The following CCDC158 variants were observed in gnomAD, a reference collection of about 807,000 sequenced individuals.
The protein encoded by CCDC158 is coiled-coil domain-containing protein 158.
CCDC158 carries 116 observed loss-of-function variants against 138.6 expected under a neutral mutation model. The ratio of observed to expected loss-of-function variants is 0.84; its 90% CI spans 0.72 to 0.98. CCDC158 has a LOEUF of 0.98. Ranked by LOEUF, CCDC158 falls within the 50% of genes least tolerant of loss-of-function variation. CCDC158 has a pLI of 0.00. For missense variants in CCDC158, 1,265 were observed against 1,306.1 expected (o/e 0.97, Z 0.48); for synonymous variants, 436 against 442.4 (o/e 0.99, Z 0.18).
intron 18 of CCDC158, among the ~76,000 whole-genome samples, chr4:76,335,433 A>T (rs993745080): frequency 2.0e-5 from 3 of 152,148 alleles, no homozygotes; most frequent in Admixed American, 6.6e-5. Context: ...TTTGGCAATT[A>T]TTGTTAAAAT....
intron 2 of CCDC158, among the ~76,000 whole-genome samples, chr4:76,407,480 A>T (rs1426559926): frequency 6.6e-6 from 1 of 152,150 alleles, no homozygotes; most frequent in Non-Finnish European, 1.5e-5. Context: ...ATTGGCTTAT[A>T]AAAAACGACT....
rs2110048184 is a variant in CCDC158, at chr4:76,313,231, A to T, written c.3293T>A (p.Ile1098Asn). ...CTGTATCCTCTTTTCTTGATTTCTG[A>T]TCATTGAAGACATTGCTGAAAATGT... is the stretch of plus-strand genomic sequence containing the variant. Reference protein sequence around the residue: ...QLKNQAMSSMIRNQEKRIQKV... With the variant: ...QLKNQAMSSMNRNQEKRIQKV... Residue 1098 changes from isoleucine to asparagine, a missense_variant, in exon 25 of 25, where the codon ATC becomes AAC. Ile to Asn is a moderately radical substitution (Grantham distance 149). Coordinates refer to ENST00000682701, the MANE Select transcript of CCDC158 (RefSeq NM_001394954.1). 6.2e-7 allele frequency: 1 copy of T among 1,603,452 alleles called. No homozygotes were observed. Among genetic ancestry groups the T allele is most frequent in the Non-Finnish European group, 8.5e-7 (1 of 1,173,458 alleles).
At chr4:76,393,932 T>C (rs1327773833) in intron 4 of CCDC158, among the ~76,000 whole-genome samples, 1 of 151,980 alleles carries the variant, frequency 6.6e-6, no homozygotes, top group Non-Finnish European at 1.5e-5. Flanking sequence ...CAATGAGATA[T>C]CAACTCACCC....
At chr4:76,338,938 C>CGAAAAGAAAGCTGCATT (rs930148850) in intron 18 of CCDC158, among the ~76,000 whole-genome samples, 1 of 151,988 alleles carries the variant, frequency 6.6e-6, no homozygotes, top group African/African-American at 2.4e-5. Context: ...AGACTGCCAA[C>CGAAAAGAAAGCTGCATT]GAAAAGAAAG....
At chr4:76,325,709 TA>T in intron 23 of CCDC158, 147 bp downstream of exon 23, 3 of 551,486 alleles carry the variant, frequency 5.4e-6, no homozygotes, top group Non-Finnish European at 9.2e-6. Flanking sequence ...CTGTTCTATT[TA>T]AAAAAGACCT....
At chr4:76,353,651 C>G (rs1459989732) in intron 15 of CCDC158, among the ~76,000 whole-genome samples, 1 of 152,136 alleles carries the variant, frequency 6.6e-6, no homozygotes, top group Non-Finnish European at 1.5e-5. Context: ...AGATGCATTA[C>G]TTGAAAGTTT....
At chr4:76,349,212 T>C (rs184947027) in intron 18 of CCDC158, among the ~76,000 whole-genome samples, 198 of 152,342 alleles carry the variant, frequency 1.3e-3, no homozygotes, top group African/African-American at 4.6e-3. Flanking sequence ...CTGTTATAGG[T>C]ACTTGGGAAA....
At chr4:76,336,181 CAAAAAAAAAAA>C (rs34498886) in intron 18 of CCDC158, among the ~76,000 whole-genome samples, 1 of 56,034 alleles carries the variant, frequency 1.8e-5, no homozygotes, top group African/African-American at 8.1e-5. Context: ...GACTCTGTCT[CAAAAAAAAAAA>C]AAAAAAAAAA....
intron 2 of CCDC158, among the ~76,000 whole-genome samples, chr4:76,406,076 C>A (rs1268529087): frequency 6.6e-6 from 1 of 151,996 alleles, no homozygotes; most frequent in Non-Finnish European, 1.5e-5. Context: ...AAAAAAACAA[C>A]CCTGCTATGT....
intron 23 of CCDC158, 64 bp downstream of exon 23, chr4:76,325,793 G>A (rs1351100657): frequency 7.1e-7 from 1 of 1,410,474 alleles, no homozygotes; most frequent in African/African-American, 1.4e-5. Context: ...TGAGTAAAAA[G>A]AACTTACAGT....
intron 18 of CCDC158, among the ~76,000 whole-genome samples, chr4:76,334,755 G>A (rs1293994801): frequency 2.0e-5 from 3 of 152,120 alleles, no homozygotes; most frequent in Non-Finnish European, 4.4e-5. Flanking sequence ...ACATCAAGAG[G>A]GGAAACCAAA....
At chr4:76,401,732 A>G (rs1438420910) in intron 3 of CCDC158, among the ~76,000 whole-genome samples, 1 of 152,202 alleles carries the variant, frequency 6.6e-6, no homozygotes, top group African/African-American at 2.4e-5. Context: ...AGAATTTAAG[A>G]GGTCAAAAAG....
chr4:76,409,723 C>T (rs1024609182), intron 2 of CCDC158, among the ~76,000 whole-genome samples: 34 of 151,874 alleles, frequency 2.2e-4, no homozygotes, highest in African/African-American at 6.0e-4. Flanking sequence ...CCCAGCTATT[C>T]GGGAGGCTGA....
Position 76,331,326 on chromosome 4 carries a change from G to T in CCDC158, c.2942+18C>A. 1 of 1,608,372 alleles carries T rather than the reference G, an allele frequency of 6.2e-7. No homozygotes were observed. Among genetic ancestry groups the T allele is most frequent in the Non-Finnish European group, 8.5e-7 (1 of 1,174,822 alleles). ...TCGTAAAAGGGACATTTTGAAAATG[G>T]GGGCTGGTATTTCCTACCTACTAAG... On this transcript the variant is annotated intron_variant, in intron 21 of 24. Transcript: ENST00000682701.
chr4:76,326,126 CA>C (rs1196163254), intron 22 of CCDC158, 111 bp from the exon 23 acceptor site: 10 of 837,318 alleles, frequency 1.2e-5, no homozygotes, highest in Non-Finnish European at 1.9e-5. Context: ...GGTGGAGGGA[CA>C]GGGGGACATT....
At chr4:76,411,412 AC>A (rs1158204951) in intron 2 of CCDC158, among the ~76,000 whole-genome samples, 1 of 151,982 alleles carries the variant, frequency 6.6e-6, no homozygotes, top group East Asian at 1.9e-4. Flanking sequence ...AAAAACAAAA[AC>A]CAAAAAAAGC....
At chr4:76,391,549 T>C (rs1476664146) in intron 4 of CCDC158, among the ~76,000 whole-genome samples, 1 of 151,898 alleles carries the variant, frequency 6.6e-6, no homozygotes, top group Non-Finnish European at 1.5e-5. Context: ...GGGAAATATA[T>C]AGCTATTAAG....
intron 2 of CCDC158, among the ~76,000 whole-genome samples, chr4:76,408,634 C>A (rs1380947908): frequency 6.6e-6 from 1 of 152,128 alleles, no homozygotes; most frequent in Non-Finnish European, 1.5e-5. Flanking sequence ...GTGAATAGTG[C>A]CGCAATAAAA....
Position 76,367,663 on chromosome 4 carries a change from C to G in CCDC158, c.1461G>C (p.Lys487Asn). The G allele has an allele frequency of 6.2e-7, 1 of 1,614,200 alleles. No individual in the cohort carries two copies. The highest frequency in any genetic ancestry group is 8.5e-7 in the Non-Finnish European group (1 of 1,180,040). Reference sequence around the variant, plus strand: ...TCTCTGAGCTCTCCAGAGTCATTTTCTTGGCTGTCAACTCTTCTACTACTT... The same window carrying G: ...TCTCTGAGCTCTCCAGAGTCATTTTGTTGGCTGTCAACTCTTCTACTACTT... ...LRKVVEELTAKKMTLESSERT... is the reference protein window; with the variant it reads ...LRKVVEELTANKMTLESSERT... Residue 487 changes from lysine to asparagine, a missense_variant, in exon 12 of 25, where the codon AAG (lysine) becomes AAC (asparagine). By Grantham distance (94) the Lys-to-Asn change is moderately conservative. Coordinates refer to ENST00000682701, the MANE Select transcript of CCDC158 (RefSeq NM_001394954.1).
Sources: allele counts gnomAD v4.1 joint callset (sites outside exome capture counted in the v4.1 genomes callset), GRCh38; gene constraint gnomAD v4.1.1; transcripts MANE v1.5; gene names NCBI Gene and HGNC (gene_info 2026-07-23, HGNC 2026-07-21).